The following PIK3CA variants were observed in gnomAD, a reference collection of about 807,000 sequenced individuals.
The protein encoded by PIK3CA is phosphatidylinositol-4,5-bisphosphate 3-kinase catalytic subunit alpha, also known as phosphatidylinositol 4,5-bisphosphate 3-kinase catalytic subunit alpha isoform.
A neutral mutation model predicts 138.2 loss-of-function variants in PIK3CA; 27 were observed. The observed-to-expected ratio is 0.20, with a 90% CI of 0.14 to 0.27. PIK3CA has a LOEUF of 0.27. PIK3CA is among the 10% of genes least tolerant of loss of function. The probability of loss-of-function intolerance (pLI) is 1.00; values close to 1 mark genes in which losing one functional copy is unlikely to be tolerated. For missense variants in PIK3CA, 544 were observed against 1,277.4 expected, an observed-to-expected ratio of 0.43 and a Z score of 8.75; for synonymous variants, 358 against 413.2, an observed-to-expected ratio of 0.87 and a Z score of 1.62.
chr3:179,182,428 AAGTC>A (rs1319159816), intron 1 of PIK3CA, among the ~76,000 whole-genome samples: 2 of 152,080 alleles, frequency 1.3e-5, no homozygotes, highest in African/African-American at 4.8e-5. Flanking sequence ...AGCACTTTGA[AAGTC>A]AGAGGCAGAA....
intron 1 of PIK3CA, among the ~76,000 whole-genome samples, chr3:179,166,344 C>T (rs1477106646): frequency 5.3e-5 from 8 of 152,184 alleles, no homozygotes; most frequent in Non-Finnish European, 1.2e-4. Flanking sequence ...TTTACCCACA[C>T]GGCTCACATG....
At chr3:179,148,296 TCGGGGG>T (rs1315557074), upstream of PIK3CA, 2 of 134,298 alleles carry the variant, frequency 1.5e-5, no homozygotes, top group African/African-American at 2.8e-5. Flanking sequence ...GAGAAAGGAG[TCGGGGG>T]CGGGGGCGTG....
intron 20 of PIK3CA, among the ~76,000 whole-genome samples, chr3:179,231,630 CT>C (rs144349648): frequency 2.0e-3 from 99 of 50,374 alleles, no homozygotes; most frequent in African/African-American, 7.4e-3. Context: ...CCTTAGCCCA[CT>C]TTTTTTTTTT....
rs1248727301 is a variant in PIK3CA, at chr3:179,238,580, G to A, written c.*4216G>A. ...TGAATTTTAGATTTATAAAGTCAGA[G>A]TTGGCATGCCTTGTTTTTAATGATA... On this transcript the variant is annotated 3_prime_UTR_variant, in exon 21 of 21. Coordinates refer to ENST00000263967, the MANE Select transcript of PIK3CA (RefSeq NM_006218.4). 1 of 220,436 alleles carries A rather than the reference G, an allele frequency of 4.5e-6. No homozygotes were observed. The highest frequency in any genetic ancestry group is 9.1e-6 in the Non-Finnish European group (1 of 109,876). 13.7% of individuals were successfully genotyped at this position (220,436 alleles called of 1,614,324 possible). A position where few individuals can be genotyped will look rare whatever the true frequency, so the allele number is the denominator to read the frequency against.
intron 4 of PIK3CA, 74 bp downstream of exon 4, chr3:179,201,614 T>TTTTTTA (rs1724412358): frequency 2.8e-6 from 3 of 1,081,216 alleles, no homozygotes; most frequent in Non-Finnish European, 1.3e-6. Context: ...TCTGTATTTT[T>TTTTTTA]TTTTTTTTTT....
Position 179,204,496 on chromosome 3 carries a change from CT to C in PIK3CA, c.1060-3del. On this transcript the variant is annotated splice_polypyrimidine_tract_variant and splice_region_variant and intron_variant, in intron 5 of 20. Coordinates refer to ENST00000263967, the MANE Select transcript of PIK3CA (RefSeq NM_006218.4). ...TACATTAGTATATACCTACTTTTTTCTTTTAGATCTATGTTCGAACAGGTAT... is the reference window on the plus strand; with the variant it reads ...TACATTAGTATATACCTACTTTTTTCTTTAGATCTATGTTCGAACAGGTAT... The C allele has an allele frequency of 6.9e-7, 1 of 1,459,330 alleles. No homozygotes were observed. Among genetic ancestry groups the C allele is most frequent in the Non-Finnish European group, 9.6e-7 (1 of 1,042,078 alleles). 90.4% of individuals were successfully genotyped at this position (1,459,330 alleles called of 1,614,324 possible).
At chr3:179,213,118 G>A (rs573362941) in intron 9 of PIK3CA, among the ~76,000 whole-genome samples, 1 of 152,242 alleles carries the variant, frequency 6.6e-6, no homozygotes, top group Admixed American at 6.5e-5. Flanking sequence ...TGGGGAAAAG[G>A]CAAATATATA....
At chr3:179,222,574 G>A (rs532172924) in intron 14 of PIK3CA, among the ~76,000 whole-genome samples, 3 of 152,266 alleles carry the variant, frequency 2.0e-5, no homozygotes, top group East Asian at 3.9e-4. Context: ...TTTTGTAGAT[G>A]TGATGGGATG....
chr3:179,225,142 A>G (rs1725054319), intron 16 of PIK3CA, among the ~76,000 whole-genome samples: 1 of 151,338 alleles, frequency 6.6e-6, no homozygotes, highest in Non-Finnish European at 1.5e-5. Context: ...TTTTTTAATC[A>G]GTTTCTAATT....
rs2108394269 is a variant in PIK3CA at position 179,204,512 on chromosome 3, C to T, written c.1069C>T (p.Arg357Ter). The T allele has an allele frequency of 1.3e-6, 2 of 1,552,770 alleles. No individual in the cohort carries two copies. Among genetic ancestry groups the T allele is most frequent in the Non-Finnish European group, 1.8e-6 (2 of 1,125,034 alleles). ...NIRDIDKIYV[R>*]TGIYHGGEPL... ...TACTTTTTTCTTTTAGATCTATGTT[C>T]GAACAGGTATCTACCATGGAGGAGA... Residue 357 changes from arginine to a stop codon, truncating the protein, a stop_gained, in exon 6 of 21, where the codon CGA becomes TGA. Transcript: ENST00000263967. LOFTEE classifies it high-confidence loss of function.
chr3:179,200,031 T>G (rs1235432317), intron 3 of PIK3CA, 132 bp downstream of exon 3: 1 of 549,748 alleles, frequency 1.8e-6, no homozygotes, highest in East Asian at 2.8e-5. Flanking sequence ...CTGCTTATAC[T>G]GACAAGATAT....
At chr3:179,185,230 A>G (rs1723946849) in intron 1 of PIK3CA, among the ~76,000 whole-genome samples, 1 of 152,162 alleles carries the variant, frequency 6.6e-6, no homozygotes, top group Admixed American at 6.5e-5. Flanking sequence ...AGGGGGGAGA[A>G]GTTCTAATCC....
Position 179,230,795 on chromosome 3 carries a change from C to T in PIK3CA, c.2936+419C>T, listed in dbSNP as rs6769154. 0.26 allele frequency among the ~76,000 whole-genome samples: 39,101 copies of T among 152,042 alleles called. 5,977 individuals carry two copies. The highest frequency in any genetic ancestry group is 0.42 in the African/African-American group (17,591 of 41,464). On this transcript the variant is annotated intron_variant, in intron 20 of 20. Coordinates refer to ENST00000263967, the MANE Select transcript of PIK3CA (RefSeq NM_006218.4). This position sits in a 1 kb window ranked among gnomAD's most constrained non-coding sequence, Gnocchi z 5.4. ...AATAATAGAAGTTCTTTTACCACTT[C>T]AGCAAAAACTATTTTTTGTTTGTTT... is the stretch of plus-strand genomic sequence containing the variant.
At position 179,175,987 on chromosome 3, in the gene PIK3CA, G is replaced by A. The variant is rs74886366; in HGVS notation, c.-76-22763G>A. Among the ~76,000 whole-genome samples, 1,389 of 152,206 alleles carry A rather than the reference G, an allele frequency of 9.1e-3. 31 individuals are homozygous for A. The highest frequency in any genetic ancestry group is 0.032 in the African/African-American group (1,325 of 41,520). ...CTCTTGTCTATTGGTAAACTATGCT[G>A]TAGGAAATCTTCATATCACAATTTT... On this transcript the variant is annotated intron_variant, in intron 1 of 20. Transcript: ENST00000263967.
rs2108387112 is a variant in PIK3CA, at chr3:179,199,695, G to A, written c.358G>A (p.Ala120Thr). ...TTTATGTAATTTTATTAAAGGTTTT[G>A]CTATCGGCATGCCAGTGTGTGAATT... ...EKILNREIGF[A>T]IGMPVCEFDM... The change falls in exon 3 of 21, where the codon GCT (alanine) becomes ACT (threonine). Residue 120 changes from alanine to threonine, a missense_variant. Physicochemically the swap from Ala to Thr is moderately conservative, Grantham distance 58. Coordinates refer to ENST00000263967, the MANE Select transcript of PIK3CA (RefSeq NM_006218.4). 1 of 1,602,922 alleles carries A rather than the reference G, an allele frequency of 6.2e-7. No individual in the cohort carries two copies. Among genetic ancestry groups the A allele is most frequent in the Non-Finnish European group, 8.5e-7 (1 of 1,170,246 alleles).
rs1463601819 is a variant in PIK3CA, at chr3:179,230,400, C to A, written c.2936+24C>A. On this transcript the variant is annotated intron_variant, in intron 20 of 20. Coordinates refer to ENST00000263967, the MANE Select transcript of PIK3CA (RefSeq NM_006218.4). The surrounding 1 kb of genome is among the most constrained non-coding windows in gnomAD (Gnocchi z 5.4). ...AGGTGAGCTCGAGCAATTAAAAACA[C>A]AAAATAAAGAGTTCTGGCTGCTCTA... 3.9e-6 allele frequency: 6 copies of A among 1,556,904 alleles called. No homozygotes were observed.
In PIK3CA at chr3:179,189,147, GA is replaced by G. The variant is rs1395732334; in HGVS notation, c.-76-9602del. Among the ~76,000 whole-genome samples the G allele has an allele frequency of 2.6e-5, 4 of 152,204 alleles. No individual in the cohort carries two copies. The East Asian group carries it at 7.7e-4, about 29-fold the overall frequency. ...GAGAATTGCTCGAACCTCGTAAACA[GA>G]GGTTGCAGTGAGCCGAAATCATGCC... On this transcript the variant is annotated intron_variant, in intron 1 of 20. Coordinates refer to ENST00000263967, the MANE Select transcript of PIK3CA (RefSeq NM_006218.4).
intron 1 of PIK3CA, among the ~76,000 whole-genome samples, chr3:179,175,042 C>T (rs1723661375): frequency 6.6e-6 from 1 of 152,126 alleles, no homozygotes; most frequent in Admixed American, 6.5e-5. Flanking sequence ...CAGCTGTTAT[C>T]TCAAGACTCT....
intron 1 of PIK3CA, among the ~76,000 whole-genome samples, chr3:179,192,437 G>A (rs1291556079): frequency 1.3e-5 from 2 of 152,198 alleles, no homozygotes; most frequent in Non-Finnish European, 2.9e-5. Context: ...AATCACTTCT[G>A]AGATACTTTC....
Sources: gnomAD v4.1 joint callset for allele counts (sites outside exome capture counted in the v4.1 genomes callset) on GRCh38, gnomAD v4.1.1 for gene constraint, Gnocchi (gnomAD v3.1) non-coding constraint, MANE v1.5 for transcripts, NCBI Gene and HGNC (gene_info 2026-07-23, HGNC 2026-07-21) for gene names.